Variants in LYPD6B observed in about 807,000 individuals in gnomAD.
LYPD6B encodes the protein ly6/PLAUR domain-containing protein 6B.
In LYPD6B, 17 loss-of-function variants were observed where a neutral mutation model predicts 22.8. That is an observed-to-expected ratio of 0.75 (90% CI 0.51 to 1.12). The LOEUF is 1.12. Among genes scored for constraint, LYPD6B ranks in the 50% most tolerant of loss-of-function variants. The pLI, the probability that LYPD6B is intolerant of heterozygous loss-of-function variation, is 0.00. For missense variants in LYPD6B, 221 were observed against 258.3 expected, an observed-to-expected ratio of 0.86 and a Z score of 0.99; for synonymous variants, 106 against 91.6, an observed-to-expected ratio of 1.16 and a Z score of -0.90.
At chr2:149,166,487 A>G (rs1439328098) in intron 3 of LYPD6B, among the ~76,000 whole-genome samples, 1 of 152,154 alleles carries the variant, frequency 6.6e-6, no homozygotes, top group Non-Finnish European at 1.5e-5. Context: ...AGGAGCCAGG[A>G]CTAGACTTGC....
At chr2:149,139,780 G>A (rs1252088226) in intron 2 of LYPD6B, among the ~76,000 whole-genome samples, 1 of 152,212 alleles carries the variant, frequency 6.6e-6, no homozygotes, top group Non-Finnish European at 1.5e-5. Context: ...GTTTATCTTA[G>A]AGAAGAGAAG....
intron 3 of LYPD6B, among the ~76,000 whole-genome samples, chr2:149,164,017 A>C (rs1024316424): frequency 5.9e-5 from 9 of 152,118 alleles, no homozygotes; most frequent in African/African-American, 1.9e-4. Flanking sequence ...AGAGTAAATG[A>C]TTTTTTGGGA....
chr2:149,098,402 G>A (rs1261578211), intron 1 of LYPD6B, among the ~76,000 whole-genome samples: 1 of 151,916 alleles, frequency 6.6e-6, no homozygotes, highest in Non-Finnish European at 1.5e-5. Flanking sequence ...AAGAGGGTGG[G>A]TAAACTGAGG....
At chr2:149,139,099 G>A (rs1271369107) in intron 2 of LYPD6B, among the ~76,000 whole-genome samples, 1 of 152,176 alleles carries the variant, frequency 6.6e-6, no homozygotes, top group Non-Finnish European at 1.5e-5. Flanking sequence ...GTGAAGTGCT[G>A]GCAGTCCTGA....
At chr2:149,119,805 T>C (rs1371159004) in intron 1 of LYPD6B, among the ~76,000 whole-genome samples, 3 of 152,148 alleles carry the variant, frequency 2.0e-5, no homozygotes, top group Non-Finnish European at 2.9e-5. Context: ...AAGTGTGCAA[T>C]CTCTGAAACA....
intron 1 of LYPD6B, among the ~76,000 whole-genome samples, chr2:149,077,934 C>G (rs1308321832): frequency 6.6e-6 from 1 of 151,708 alleles, no homozygotes; most frequent in African/African-American, 2.4e-5. Flanking sequence ...TAGCTTTGGG[C>G]TGAAGCTGAG....
chr2:149,151,607 C>A (rs1204776574), intron 2 of LYPD6B, among the ~76,000 whole-genome samples: 2 of 152,174 alleles, frequency 1.3e-5, no homozygotes, highest in East Asian at 3.8e-4. Context: ...GATGGATGTC[C>A]TTAGGTGCCA....
chr2:149,124,606 C>T lies in LYPD6B; in HGVS notation c.-66-6277C>T, dbSNP rs531264682. ...TTGCATTAGCCGGGCAACTATTAGC[C>T]GTTATTGCCACTGCTCACTAATCCC... On this transcript the variant is annotated intron_variant, in intron 1 of 6. Coordinates refer to ENST00000409642, the MANE Select transcript of LYPD6B (RefSeq NM_177964.5). Among the ~76,000 whole-genome samples the T allele has an allele frequency of 5.3e-5, 8 of 152,162 alleles. No homozygotes were observed. The South Asian group carries it at 1.5e-3, about 28-fold the overall frequency.
intron 1 of LYPD6B, among the ~76,000 whole-genome samples, chr2:149,086,469 AAG>A (rs1372682429): frequency 6.6e-6 from 1 of 152,140 alleles, no homozygotes; most frequent in East Asian, 1.9e-4. Flanking sequence ...AAGTATCACA[AAG>A]AGATAATTTT....
At chr2:149,127,178 A>T (rs1687750240) in intron 1 of LYPD6B, among the ~76,000 whole-genome samples, 1 of 151,756 alleles carries the variant, frequency 6.6e-6, no homozygotes, top group Non-Finnish European at 1.5e-5. Flanking sequence ...TCTATGTCTG[A>T]GAATACTGGA....
chr2:149,058,131 C>G (rs949174328), intron 1 of LYPD6B, among the ~76,000 whole-genome samples: 1 of 152,126 alleles, frequency 6.6e-6, no homozygotes, highest in South Asian at 2.1e-4. Context: ...GATGAGTTGC[C>G]TTGGCCCTCT....
At chr2:149,068,538 A>G in intron 1 of LYPD6B, 1 of 283,622 alleles carries the variant, frequency 3.5e-6, no homozygotes, top group South Asian at 4.2e-5. Flanking sequence ...TTATAAATAA[A>G]AAATTACAAA....
At chr2:149,039,821 G>A (rs4667364) in intron 1 of LYPD6B, among the ~76,000 whole-genome samples, 142,190 of 152,230 alleles carry the variant, frequency 0.93, 67,198 homozygotes, top group East Asian at 1. Flanking sequence ...GCCAGTGCAC[G>A]GGCCCTGCAG....
chr2:149,098,643 A>AAAAAAAAAAAAAAAAAAGAAAG (rs57783804), intron 1 of LYPD6B, among the ~76,000 whole-genome samples: 6 of 130,960 alleles, frequency 4.6e-5, no homozygotes, highest in African/African-American at 8.7e-5. Context: ...AAAAAAAAAA[A>AAAAAAAAAAAAAAAAAAGAAAG]AAAAAAGAAA....
At chr2:149,157,311 A>G (rs1689768885) in intron 2 of LYPD6B, among the ~76,000 whole-genome samples, 1 of 116,360 alleles carries the variant, frequency 8.6e-6, no homozygotes, top group Non-Finnish European at 2.0e-5. Context: ...CTATTGCTCT[A>G]GAAGTCAGTC....
At chr2:149,157,324 A>ACTTCT (rs535104850) in intron 2 of LYPD6B, among the ~76,000 whole-genome samples, 41,486 of 151,978 alleles carry the variant, frequency 0.27, 7,156 homozygotes, top group East Asian at 0.54. Flanking sequence ...AGTCAGTCTA[A>ACTTCT]AAACACACAG....
intron 1 of LYPD6B, among the ~76,000 whole-genome samples, chr2:149,081,291 G>T (rs780356628): frequency 1.3e-5 from 2 of 152,140 alleles, no homozygotes; most frequent in Non-Finnish European, 2.9e-5. Context: ...ACTAGATGTT[G>T]GTTCCCAATT....
At chr2:149,150,378 A>G (rs893351338) in intron 2 of LYPD6B, among the ~76,000 whole-genome samples, 3 of 152,288 alleles carry the variant, frequency 2.0e-5, no homozygotes, top group Admixed American at 2.0e-4. Context: ...TTTTAATAGG[A>G]AGTCAAATTC....
At chr2:149,211,993 C>T (rs1168417011) in intron 5 of LYPD6B, among the ~76,000 whole-genome samples, 1 of 150,624 alleles carries the variant, frequency 6.6e-6, no homozygotes, top group African/African-American at 2.5e-5. Flanking sequence ...GGGTGGGAAA[C>T]AGAGAAAGTA....
Sources: gnomAD v4.1 joint callset for allele counts (sites outside exome capture counted in the v4.1 genomes callset) on GRCh38, gnomAD v4.1.1 for gene constraint, MANE v1.5 for transcripts, NCBI Gene and HGNC (gene_info 2026-07-23, HGNC 2026-07-21) for gene names.